The following NUSAP1 variants were observed in gnomAD, a reference collection of about 807,000 sequenced individuals.
NUSAP1 encodes the protein nucleolar and spindle-associated protein 1.
A neutral mutation model predicts 52.8 loss-of-function variants in NUSAP1; 32 were observed. The ratio of observed to expected loss-of-function variants is 0.61; its 90% CI spans 0.46 to 0.81. NUSAP1 has a LOEUF of 0.81. Among genes scored for constraint, NUSAP1 ranks in the 40% least tolerant of loss-of-function variants. The pLI is 0.00. For synonymous variants in NUSAP1, 195 were observed against 183.1 expected (o/e 1.06, Z -0.52); for missense variants, 499 against 522.3 (o/e 0.96, Z 0.43).
rs1268067142 is a variant in NUSAP1, at chr15:41,380,975, C to T, written c.*789C>T. On this transcript the variant is annotated 3_prime_UTR_variant, in exon 11 of 11. Coordinates refer to ENST00000559596, the MANE Select transcript of NUSAP1 (RefSeq NM_016359.5). ...TTGCTTAGTATCATGTCCATGTTTC[C>T]TTCACCTCAGTGGAGCTTCTGAGTT... is the stretch of plus-strand genomic sequence containing the variant. 6.6e-6 allele frequency: 1 copy of T among 152,196 alleles called. No individual in the cohort carries two copies. Among genetic ancestry groups the T allele is most frequent in the Non-Finnish European group, 1.5e-5 (1 of 68,040 alleles). 9.4% of individuals were successfully genotyped at this position (152,196 alleles called of 1,614,324 possible). A position where few individuals can be genotyped will look rare whatever the true frequency, so the allele number is the denominator to read the frequency against.
At chr15:41,377,143 G>A in intron 9 of NUSAP1, 53 bp from the exon 10 acceptor site, 1 of 913,776 alleles carries the variant, frequency 1.1e-6, no homozygotes, top group South Asian at 1.6e-5. Context: ...AATGAAGTTG[G>A]GAATATAAAT....
At position 41,353,781 on chromosome 15, in the gene NUSAP1, C is replaced by T. The variant is rs532046642; in HGVS notation, c.449-2258C>T. Among the ~76,000 whole-genome samples, 3 of 152,218 alleles carry T rather than the reference C, an allele frequency of 2.0e-5. No homozygotes were observed. In the South Asian group the frequency reaches 6.2e-4, roughly 32 times the overall value. ...TAGCTCTATAGCATATTATACGGGGCCCTTTATGGTTTAACCCGCTACCTG... is the reference window on the plus strand; with the variant it reads ...TAGCTCTATAGCATATTATACGGGGTCCTTTATGGTTTAACCCGCTACCTG... On this transcript the variant is annotated intron_variant, in intron 4 of 10. Transcript: ENST00000559596.
Position 41,365,386 on chromosome 15 carries a change from T to A in NUSAP1, c.661-16T>A, listed in dbSNP as rs777814897. 2 of 1,585,570 alleles carry A rather than the reference T, an allele frequency of 1.3e-6. No individual in the cohort carries two copies. The highest frequency in any genetic ancestry group is 1.7e-6 in the Non-Finnish European group (2 of 1,162,602). ...TGGAGAGGCCAAGCTTTTAAAATGA[T>A]GCATTTTCTCTTCAGCAGCAGCCCA... On this transcript the variant is annotated splice_polypyrimidine_tract_variant and intron_variant, in intron 6 of 10. Transcript: ENST00000559596.
chr15:41,349,300 A>G, intron 3 of NUSAP1, 59 bp downstream of exon 3: 3 of 1,505,870 alleles, frequency 2.0e-6, no homozygotes, highest in Non-Finnish European at 2.7e-6. Context: ...GCATACTTTT[A>G]TGGAGATTTC....
At chr15:41,357,346 C>A (rs1465869248) in intron 5 of NUSAP1, among the ~76,000 whole-genome samples, 1 of 151,614 alleles carries the variant, frequency 6.6e-6, no homozygotes, top group Non-Finnish European at 1.5e-5. Context: ...GTAGCCTGGG[C>A]AATAGAGCAA....
chr15:41,360,747 A>G (rs922090973), intron 6 of NUSAP1, among the ~76,000 whole-genome samples: 5 of 137,458 alleles, frequency 3.6e-5, no homozygotes, highest in African/African-American at 1.4e-4. Flanking sequence ...GTGAGCCACC[A>G]CTCCTGTCCT....
intron 2 of NUSAP1, among the ~76,000 whole-genome samples, chr15:41,343,716 C>G (rs954171075): frequency 2.0e-5 from 3 of 151,278 alleles, no homozygotes; most frequent in African/African-American, 7.3e-5. Flanking sequence ...GTCTCAAACT[C>G]CTGACCTCAG....
rs2050092060 is a variant in NUSAP1 at position 41,378,944 on chromosome 15, G to GTTTTGTTTTTTTTTT, written c.1233-1145_1233-1144insGTTTTTTTTTTTTTT. ...CCCAAGATTATATTAACTTATCTTG[G>GTTTTGTTTTTTTTTT]TTTTTTTTTTTTTTTTTTTTTTTTT... On this transcript the variant is annotated intron_variant, in intron 10 of 10. Transcript: ENST00000559596. 1.0e-3 allele frequency among the ~76,000 whole-genome samples: 65 copies of GTTTTGTTTTTTTTTT among 63,264 alleles called. 3 individuals carry two copies. The highest frequency in any genetic ancestry group is 4.4e-3 in the African/African-American group (63 of 14,278). 41.5% of individuals were successfully genotyped at this position (63,264 alleles called of 152,430 possible).
chr15:41,344,554 A>C (rs1233963051), intron 2 of NUSAP1, among the ~76,000 whole-genome samples: 2 of 151,864 alleles, frequency 1.3e-5, no homozygotes, highest in Non-Finnish European at 2.9e-5. Flanking sequence ...AGGAGAATGG[A>C]GTGAACCCAG....
intron 2 of NUSAP1, among the ~76,000 whole-genome samples, chr15:41,342,855 A>G (rs1269939183): frequency 6.6e-6 from 1 of 151,990 alleles, no homozygotes; most frequent in African/African-American, 2.4e-5. Flanking sequence ...AAAAAAAAAG[A>G]TATGCTGTTT....
chr15:41,346,712 A>G (rs189191985), intron 2 of NUSAP1, among the ~76,000 whole-genome samples: 3 of 151,968 alleles, frequency 2.0e-5, no homozygotes, highest in African/African-American at 4.8e-5. Context: ...CTGTAGTCCC[A>G]GCTACTCGGG....
At chr15:41,356,483 T>A (rs934611582) in intron 5 of NUSAP1, among the ~76,000 whole-genome samples, 4 of 151,792 alleles carry the variant, frequency 2.6e-5, no homozygotes, top group African/African-American at 9.7e-5. Context: ...GCCTCCCTAG[T>A]AGCTGGGACT....
At chr15:41,359,902 C>T (rs955068273) in intron 6 of NUSAP1, among the ~76,000 whole-genome samples, 20 of 151,928 alleles carry the variant, frequency 1.3e-4, no homozygotes, top group African/African-American at 4.8e-4. Flanking sequence ...GCTGGTATTA[C>T]ATGCATGAGC....
At chr15:41,358,123 T>A in intron 5 of NUSAP1, 26 bp from the exon 6 acceptor site, 1 of 1,055,890 alleles carries the variant, frequency 9.5e-7, no homozygotes, top group Non-Finnish European at 1.4e-6. Flanking sequence ...TGTTTTGTTA[T>A]TAATTTTTAT....
At chr15:41,378,955 T>TG (rs1595619228) in intron 10 of NUSAP1, among the ~76,000 whole-genome samples, 1 of 108,542 alleles carries the variant, frequency 9.2e-6, no homozygotes, top group East Asian at 2.7e-4. Flanking sequence ...TTTTTTTTTT[T>TG]TTTTTTTTTT....
intron 2 of NUSAP1, chr15:41,342,946 A>G (rs2048418916): frequency 6.5e-6 from 1 of 153,798 alleles, no homozygotes; most frequent in African/African-American, 2.4e-5. Flanking sequence ...TGAATGGTGA[A>G]ACTGTTTTGC....
chr15:41,349,697 T>C (rs1248141565), intron 3 of NUSAP1, among the ~76,000 whole-genome samples: 1 of 152,110 alleles, frequency 6.6e-6, no homozygotes, highest in Non-Finnish European at 1.5e-5. Context: ...CTGGTTTTAT[T>C]CTTTTATCTT....
intron 7 of NUSAP1, among the ~76,000 whole-genome samples, chr15:41,370,314 G>A (rs926104597): frequency 6.6e-5 from 10 of 151,808 alleles, no homozygotes; most frequent in African/African-American, 2.2e-4. Context: ...CCCAGGAGGC[G>A]GAGCTTGCAG....
At chr15:41,374,236 A>G (rs1361643391) in intron 8 of NUSAP1, among the ~76,000 whole-genome samples, 1 of 152,184 alleles carries the variant, frequency 6.6e-6, no homozygotes, top group Non-Finnish European at 1.5e-5. Flanking sequence ...ACTGTATCTT[A>G]TAAACAGCGG....
Sources: allele counts gnomAD v4.1 joint callset (sites outside exome capture counted in the v4.1 genomes callset), GRCh38; gene constraint gnomAD v4.1.1; transcripts MANE v1.5; gene names NCBI Gene and HGNC (gene_info 2026-07-23, HGNC 2026-07-21).